The following SGCZ variants were observed in gnomAD, a reference collection of about 807,000 sequenced individuals.
SGCZ encodes sarcoglycan zeta, also known as zeta-sarcoglycan.
In SGCZ, 40 loss-of-function variants were observed where a neutral mutation model predicts 41.3. The ratio of observed to expected loss-of-function variants is 0.97; its 90% confidence interval spans 0.75 to 1.26. SGCZ has a LOEUF of 1.26. Among genes scored for constraint, SGCZ ranks in the 50% most tolerant of loss-of-function variants. The pLI is 0.00. For synonymous variants in SGCZ, 206 were observed against 137.5 expected (o/e 1.50, Z -3.49); for missense variants, 552 against 369.8 (o/e 1.49, Z -4.04).
intron 1 of SGCZ, among the ~76,000 whole-genome samples, chr8:15,036,429 G>A (rs1234387910): frequency 6.6e-6 from 1 of 151,968 alleles, no homozygotes; most frequent in East Asian, 1.9e-4. Context: ...AGGAGGGAGA[G>A]GATGACAAAA....
At chr8:14,160,984 A>C (rs1804028420) in intron 5 of SGCZ, among the ~76,000 whole-genome samples, 1 of 152,220 alleles carries the variant, frequency 6.6e-6, no homozygotes. Context: ...ATTCCTATAA[A>C]TATTGCTTAA....
intron 1 of SGCZ, among the ~76,000 whole-genome samples, chr8:14,572,477 A>G (rs1804584005): frequency 6.6e-6 from 1 of 151,446 alleles, no homozygotes; most frequent in African/African-American, 2.4e-5. Flanking sequence ...GTGTTAACTC[A>G]TTTAATCCTC....
chr8:14,146,890 A>AAAAAAAAAATAATAATAAT (rs1182329393), intron 5 of SGCZ, among the ~76,000 whole-genome samples: 4 of 116,260 alleles, frequency 3.4e-5, no homozygotes, highest in Non-Finnish European at 5.4e-5. Flanking sequence ...AAAATAAAAA[A>AAAAAAAAAATAATAATAAT]AATAATAATA....
At chr8:14,489,149 T>G (rs955698254) in intron 2 of SGCZ, among the ~76,000 whole-genome samples, 1 of 152,114 alleles carries the variant, frequency 6.6e-6, no homozygotes, top group Admixed American at 6.6e-5. Flanking sequence ...TGTCACCTTT[T>G]ACTTAAGAAT....
chr8:14,521,648 A>G (rs1350148152), intron 2 of SGCZ, among the ~76,000 whole-genome samples: 3 of 152,134 alleles, frequency 2.0e-5, no homozygotes, highest in Non-Finnish European at 4.4e-5. Flanking sequence ...TTTACCAAGG[A>G]TAAATGCCCA....
intron 1 of SGCZ, among the ~76,000 whole-genome samples, chr8:15,215,872 A>G (rs1801382847): frequency 6.6e-6 from 1 of 152,206 alleles, no homozygotes; most frequent in South Asian, 2.1e-4. Context: ...ATATAATGTG[A>G]TGAGACAGTA....
In SGCZ at chr8:14,794,055, G is replaced by A. The variant is rs187605436; in HGVS notation, c.40-239129C>T. On this transcript the variant is annotated intron_variant, in intron 1 of 7. Transcript: ENST00000382080. ...TAATAAAGAAGAACTTAAAGATATA[G>A]AAACCACTGTTCCTCATTAAGAAGC... Among the ~76,000 whole-genome samples the A allele has an allele frequency of 3.6e-3, 549 of 152,186 alleles. 4 individuals carry two copies. Among genetic ancestry groups the A allele is most frequent in the Middle Eastern group, 0.014 (4 of 294 alleles).
At chr8:15,138,239 T>C (rs1585602907) in intron 1 of SGCZ, among the ~76,000 whole-genome samples, 1 of 152,330 alleles carries the variant, frequency 6.6e-6, no homozygotes, top group African/African-American at 2.4e-5. Context: ...TGTACTTCCA[T>C]TGTATCTAAG....
At chr8:14,731,970 T>C (rs1367110327) in intron 1 of SGCZ, among the ~76,000 whole-genome samples, 2 of 152,158 alleles carry the variant, frequency 1.3e-5, no homozygotes, top group Non-Finnish European at 2.9e-5. Flanking sequence ...TAATGTGAAA[T>C]ATGACACTAA....
At chr8:14,571,220 C>T (rs565517895) in intron 1 of SGCZ, among the ~76,000 whole-genome samples, 36 of 152,264 alleles carry the variant, frequency 2.4e-4, no homozygotes, top group Non-Finnish European at 4.0e-4. Flanking sequence ...GAGCAGATCT[C>T]ATGATTACAG....
intron 2 of SGCZ, among the ~76,000 whole-genome samples, chr8:14,362,852 C>T (rs777607220): frequency 6.6e-6 from 1 of 152,294 alleles, no homozygotes; most frequent in South Asian, 2.1e-4. Flanking sequence ...ATTCCTTATA[C>T]ACAGAAACTT....
intron 3 of SGCZ, among the ~76,000 whole-genome samples, chr8:14,303,461 C>G (rs539730972): frequency 6.6e-6 from 1 of 152,102 alleles, no homozygotes; most frequent in African/African-American, 2.4e-5. Flanking sequence ...TACCAACACA[C>G]AAGAGTTAGA....
At chr8:14,808,469 A>C (rs1416531564) in intron 1 of SGCZ, among the ~76,000 whole-genome samples, 7 of 152,312 alleles carry the variant, frequency 4.6e-5, no homozygotes, top group African/African-American at 1.7e-4. Context: ...GCAGCCAAAA[A>C]ACACATGAAA....
intron 1 of SGCZ, among the ~76,000 whole-genome samples, chr8:14,829,334 A>G (rs909529927): frequency 6.6e-5 from 10 of 152,314 alleles, no homozygotes; most frequent in African/African-American, 1.9e-4. Context: ...AGAAACGTCA[A>G]TTCTTCAGGG....
chr8:14,266,879 C>G (rs999815951), intron 3 of SGCZ, among the ~76,000 whole-genome samples: 1 of 152,004 alleles, frequency 6.6e-6, no homozygotes, highest in Non-Finnish European at 1.5e-5. Context: ...ATTATAACCA[C>G]AAAATGGAGT....
intron 1 of SGCZ, among the ~76,000 whole-genome samples, chr8:15,154,510 T>G (rs942149713): frequency 2.6e-5 from 4 of 152,172 alleles, no homozygotes; most frequent in African/African-American, 9.7e-5. Context: ...TGGACCCCAG[T>G]ACAGACAGCA....
At chr8:14,293,454 C>T (rs1585328750) in intron 3 of SGCZ, among the ~76,000 whole-genome samples, 1 of 151,938 alleles carries the variant, frequency 6.6e-6, no homozygotes, top group African/African-American at 2.4e-5. Context: ...TACAGACACC[C>T]AGTGATTTCC....
chr8:14,565,978 T>C (rs572530770), intron 1 of SGCZ, among the ~76,000 whole-genome samples: 16 of 152,210 alleles, frequency 1.1e-4, no homozygotes, highest in Non-Finnish European at 1.5e-5. Flanking sequence ...TTTATTTTGA[T>C]GTAAAATTTT....
chr8:14,279,367 A>G (rs1232849450), intron 3 of SGCZ, among the ~76,000 whole-genome samples: 3 of 152,084 alleles, frequency 2.0e-5, no homozygotes, highest in Admixed American at 2.0e-4. Context: ...TTTAAAAGCT[A>G]AAATATACTG....
Sources: allele counts gnomAD v4.1 joint callset (sites outside exome capture counted in the v4.1 genomes callset), GRCh38; gene constraint gnomAD v4.1.1; transcripts MANE v1.5; gene names NCBI Gene and HGNC (gene_info 2026-07-23, HGNC 2026-07-21).